The following RCAN2 variants were observed in gnomAD, a reference collection of about 807,000 sequenced individuals.
The protein encoded by RCAN2 is calcipressin-2.
In RCAN2, 9 loss-of-function variants were observed where a neutral mutation model predicts 23.6. That is an observed-to-expected ratio of 0.38 (90% CI 0.23 to 0.67). RCAN2 has a LOEUF of 0.67. RCAN2 is among the 30% of genes least tolerant of loss of function. The pLI is 0.51. For missense variants in RCAN2, 273 were observed against 302.3 expected, an observed-to-expected ratio of 0.90 and a Z score of 0.72; for synonymous variants, 109 against 115.7, an observed-to-expected ratio of 0.94 and a Z score of 0.37.
intron 2 of RCAN2, among the ~76,000 whole-genome samples, chr6:46,296,490 T>C (rs929799999): frequency 5.9e-5 from 9 of 152,146 alleles, no homozygotes; most frequent in South Asian, 2.1e-4. Context: ...TAGACACTTA[T>C]GTTTCTCTTT....
At chr6:46,310,159 C>T (rs17216485) in intron 2 of RCAN2, among the ~76,000 whole-genome samples, 4 of 151,960 alleles carry the variant, frequency 2.6e-5, no homozygotes, top group Non-Finnish European at 5.9e-5. Flanking sequence ...TAGAAAAGAC[C>T]TGAAGAGATT....
intron 2 of RCAN2, among the ~76,000 whole-genome samples, chr6:46,415,292 T>C (rs191714434): frequency 4.6e-5 from 7 of 152,272 alleles, no homozygotes; most frequent in African/African-American, 1.7e-4. Context: ...TTAAAATCAG[T>C]AAGATTTGAG....
intron 2 of RCAN2, among the ~76,000 whole-genome samples, chr6:46,255,217 G>A (rs1299506329): frequency 2.0e-5 from 3 of 151,960 alleles, no homozygotes; most frequent in Non-Finnish European, 2.9e-5. Context: ...GGATATTTGG[G>A]TCATTCCAAG....
At chr6:46,256,183 G>A (rs973130308) in intron 2 of RCAN2, among the ~76,000 whole-genome samples, 7 of 151,752 alleles carry the variant, frequency 4.6e-5, no homozygotes, top group African/African-American at 1.7e-4. Context: ...CAGACTAGCT[G>A]ACATGGTGAA....
intron 2 of RCAN2, among the ~76,000 whole-genome samples, chr6:46,258,932 A>G (rs764723618): frequency 2.0e-5 from 3 of 152,222 alleles, no homozygotes; most frequent in Non-Finnish European, 2.9e-5. Context: ...TGAATGAGGG[A>G]GGCAGAGCGG....
chr6:46,456,764 T>C lies in RCAN2; in HGVS notation c.213A>G (p.Gly71=). 2 of 1,550,582 alleles carry C rather than the reference T, an allele frequency of 1.3e-6. No individual in the cohort carries two copies. Among genetic ancestry groups the C allele is most frequent in the Non-Finnish European group, 1.7e-6 (2 of 1,146,706 alleles). The part of the protein sequence containing the change: ...ACNVHQSVFE[G]EESKEKFEGL... ...AAAGGCAGCTTACCTTGCTCTCTTC[T>C]CCTTCAAACACTGACTGGTGAACAT... is the stretch of plus-strand genomic sequence containing the variant. Residue 71 remains glycine (G), a synonymous_variant, in exon 2 of 5, where the codon GGA becomes GGG. Coordinates refer to ENST00000371374, the MANE Select transcript of RCAN2 (RefSeq NM_001251974.2).
At chr6:46,482,422 G>T (rs1226739103) in intron 1 of RCAN2, among the ~76,000 whole-genome samples, 1 of 152,112 alleles carries the variant, frequency 6.6e-6, no homozygotes. Flanking sequence ...AACAGTGAAA[G>T]GGAGGATTCT....
Position 46,258,151 on chromosome 6 carries a change from A to C in RCAN2, c.226-9255T>G, listed in dbSNP as rs72861663. On this transcript the variant is annotated intron_variant, in intron 2 of 4. Coordinates refer to ENST00000371374, the MANE Select transcript of RCAN2 (RefSeq NM_001251974.2). ...TACCTACTAGAAACTGCCAAAGAGT[A>C]AAACCACTCCTTTAGGTTTATCACT... 4.0e-3 allele frequency among the ~76,000 whole-genome samples: 612 copies of C among 152,374 alleles called. 3 individuals carry two copies. The highest frequency in any genetic ancestry group is 7.0e-3 in the Non-Finnish European group (479 of 68,030).
At chr6:46,326,509 T>C (rs1293190284) in intron 2 of RCAN2, among the ~76,000 whole-genome samples, 1 of 152,230 alleles carries the variant, frequency 6.6e-6, no homozygotes, top group Admixed American at 6.5e-5. Context: ...TACCTTTATA[T>C]CTTCAGTCTT....
intron 2 of RCAN2, among the ~76,000 whole-genome samples, chr6:46,401,095 A>G (rs1766235204): frequency 1.3e-5 from 2 of 152,208 alleles, no homozygotes; most frequent in African/African-American, 4.8e-5. Flanking sequence ...CCACGTTCCC[A>G]GGAGTTAAAT....
At chr6:46,430,006 A>C (rs2150416353) in intron 2 of RCAN2, among the ~76,000 whole-genome samples, 1 of 152,336 alleles carries the variant, frequency 6.6e-6, no homozygotes, top group Middle Eastern at 3.4e-3. Flanking sequence ...AGGTAGGTTG[A>C]CCTTGAAGGC....
At chr6:46,408,262 G>A (rs1311918551) in intron 2 of RCAN2, among the ~76,000 whole-genome samples, 2 of 152,126 alleles carry the variant, frequency 1.3e-5, no homozygotes, top group African/African-American at 4.8e-5. Context: ...CTGTTTACAT[G>A]TTTAGAGCCA....
At chr6:46,433,299 G>T (rs1767270774) in intron 2 of RCAN2, among the ~76,000 whole-genome samples, 1 of 152,122 alleles carries the variant, frequency 6.6e-6, no homozygotes, top group Non-Finnish European at 1.5e-5. Context: ...GCAGCTCTCA[G>T]CAGGTGTTAG....
chr6:46,445,437 A>G lies in RCAN2; in HGVS notation c.225+11315T>C, dbSNP rs558092024. Among the ~76,000 whole-genome samples, 3 of 152,346 alleles carry G rather than the reference A, an allele frequency of 2.0e-5. 1 individual carries two copies. In the East Asian group the frequency reaches 5.8e-4, roughly 29 times the overall value. On this transcript the variant is annotated intron_variant, in intron 2 of 4. Coordinates refer to ENST00000371374, the MANE Select transcript of RCAN2 (RefSeq NM_001251974.2). Reference sequence around the variant, plus strand: ...AGAATCTCTAGATGAGCTGACTAGTAAAGGACTTCCCCAGACAAAGCCAGT... The same window carrying G: ...AGAATCTCTAGATGAGCTGACTAGTGAAGGACTTCCCCAGACAAAGCCAGT...
At chr6:46,490,984 ACCCCACCCCCGCCACTGC>A (rs1250870208) in intron 1 of RCAN2, among the ~76,000 whole-genome samples, 171 bp downstream of exon 1, 20 of 139,648 alleles carry the variant, frequency 1.4e-4, no homozygotes, top group Middle Eastern at 3.8e-3. Context: ...CTGGAGACAA[ACCCCACCCCCGCCACTGC>A]CCCCACCCCC....
chr6:46,223,210 T>C lies in RCAN2; in HGVS notation c.663A>G (p.Pro221=). ...CDSDIEEEED[P]KTSPKPKIIQ... Reference sequence around the variant, plus strand: ...TGATTTTTGGCTTTGGGGAAGTCTTTGGGTCCTCTTCTTCCTCTATGTCAC... The same window carrying C: ...TGATTTTTGGCTTTGGGGAAGTCTTCGGGTCCTCTTCTTCCTCTATGTCAC... The change falls in exon 5 of 5, where the codon CCA becomes CCG. Residue 221 remains proline, a synonymous_variant. Coordinates refer to ENST00000371374, the MANE Select transcript of RCAN2 (RefSeq NM_001251974.2). 3 of 1,614,004 alleles carry C rather than the reference T, an allele frequency of 1.9e-6. No individual in the cohort carries two copies. The highest frequency in any genetic ancestry group is 2.5e-6 in the Non-Finnish European group (3 of 1,179,986).
At chr6:46,230,865 A>G (rs772734748) in intron 4 of RCAN2, among the ~76,000 whole-genome samples, 2 of 152,126 alleles carry the variant, frequency 1.3e-5, no homozygotes, top group Non-Finnish European at 2.9e-5. Context: ...TGTAGACTGG[A>G]GCTCTTCCTA....
At chr6:46,270,714 T>C (rs893611118) in intron 2 of RCAN2, among the ~76,000 whole-genome samples, 4 of 152,204 alleles carry the variant, frequency 2.6e-5, no homozygotes, top group African/African-American at 9.6e-5. Flanking sequence ...TTTTATTCTC[T>C]CTGGCTCCTC....
At chr6:46,281,740 C>T (rs1767929764) in intron 2 of RCAN2, among the ~76,000 whole-genome samples, 2 of 152,126 alleles carry the variant, frequency 1.3e-5, no homozygotes, top group Admixed American at 6.5e-5. Flanking sequence ...ATATGTTGAA[C>T]AGTTACTATA....
Sources: gnomAD v4.1 joint callset for allele counts (sites outside exome capture counted in the v4.1 genomes callset) on GRCh38, gnomAD v4.1.1 for gene constraint, MANE v1.5 for transcripts, NCBI Gene and HGNC (gene_info 2026-07-23, HGNC 2026-07-21) for gene names.